Variants in SIGIRR observed in about 807,000 individuals in gnomAD.
SIGIRR encodes single Ig and TIR domain containing, also known as single Ig IL-1-related receptor.
Under a neutral mutation model 45.6 loss-of-function variants are expected in SIGIRR, and 41 were observed. That is an observed-to-expected ratio of 0.90 (90% CI 0.70 to 1.17). SIGIRR has a LOEUF of 1.17. Ranked by LOEUF, SIGIRR falls within the 50% of genes most tolerant of loss-of-function variation. SIGIRR has a pLI of 0.00. For synonymous variants in SIGIRR, 298 were observed against 239.0 expected, an observed-to-expected ratio of 1.25 and a Z score of -2.28; for missense variants, 599 against 539.6, an observed-to-expected ratio of 1.11 and a Z score of -1.09.
At chr11:407,690 A>T in intron 5 of SIGIRR, 122 bp from the exon 6 acceptor site, 5 of 1,560,028 alleles carry the variant, frequency 3.2e-6, no homozygotes, top group Non-Finnish European at 4.3e-6. Context: ...CTTTAACCCC[A>T]GCCGGGCCGC....
rs201269567 is a variant in SIGIRR at position 407,830 on chromosome 11, C to G, written c.468G>C (p.Glu156Asp). 3.7e-6 allele frequency: 6 copies of G among 1,612,582 alleles called. No homozygotes were observed. In the East Asian group the frequency reaches 1.3e-4, roughly 36 times the overall value. ...VLLWYQDAYG[E>D]VEINDGKLYD... ...GGCCCCACGCACCGTTTATCTCCACCTCCCCATACGCGTCCTGGTACCAGA... is the reference window on the plus strand; with the variant it reads ...GGCCCCACGCACCGTTTATCTCCACGTCCCCATACGCGTCCTGGTACCAGA... The change falls in exon 5 of 10, where the codon GAG (glutamate) becomes GAC (aspartate). Residue 156 changes from glutamate to aspartate, a missense_variant. Glu to Asp is a conservative substitution (Grantham distance 45). Transcript: ENST00000431843.
At position 406,961 on chromosome 11, in the gene SIGIRR, C is replaced by T. The variant is rs777028104; in HGVS notation, c.761G>A (p.Arg254His). 5.6e-6 allele frequency: 9 copies of T among 1,601,190 alleles called. No homozygotes were observed. The Admixed American group carries it at 1.0e-4, about 18-fold the overall frequency. Residue 254 changes from arginine (R) to histidine (H), a missense_variant, in exon 8 of 10, where the codon CGC becomes CAC. By Grantham distance (29) the Arg-to-His change is conservative. Transcript: ENST00000431843. ...CTCGAAGGTGATGAAGATGGGTCTG[C>T]GGGTGAGCTCCAGCAGCCGGCACAG... The part of the protein sequence containing the change: ...EGLCRLLELT[R>H]RPIFITFEGQ...
intron 9 of SIGIRR, 81 bp from the exon 10 acceptor site, chr11:406,140 A>AC: frequency 1.3e-6 from 2 of 1,538,452 alleles, no homozygotes; most frequent in South Asian, 2.4e-5. Context: ...GCCCCTGCTC[A>AC]CCCCCTGCTG....
chr11:409,015 G>C, intron 2 of SIGIRR, 122 bp from the exon 3 acceptor site: 2 of 847,956 alleles, frequency 2.4e-6, no homozygotes, highest in Non-Finnish European at 3.8e-6. Flanking sequence ...CACCATGTCT[G>C]TCCACGAGTC....
chr11:416,845 G>T (rs1259687255), upstream of SIGIRR, among the ~76,000 whole-genome samples: 1 of 152,132 alleles, frequency 6.6e-6, no homozygotes, highest in Non-Finnish European at 1.5e-5. This position sits in a 1 kb window ranked among gnomAD's most constrained non-coding sequence, Gnocchi z 9.1. Flanking sequence ...GGGCACGGGG[G>T]TGCGGCTCGG....
chr11:407,645 A>G, intron 5 of SIGIRR, 77 bp from the exon 6 acceptor site: 1 of 1,565,622 alleles, frequency 6.4e-7, no homozygotes, highest in Non-Finnish European at 8.7e-7. Flanking sequence ...ACCCCTAACC[A>G]TCTCCCACGT....
At position 408,700 on chromosome 11, in the gene SIGIRR, G is replaced by A. The variant is rs1847461258; in HGVS notation, c.201C>T (p.Tyr67=). 1 of 1,612,578 alleles carries A rather than the reference G, an allele frequency of 6.2e-7. No homozygotes were observed. The highest frequency in any genetic ancestry group is 8.5e-7 in the Non-Finnish European group (1 of 1,179,912). The change falls in exon 3 of 10, where the codon TAC becomes TAT. Residue 67 remains tyrosine, a synonymous_variant. Transcript: ENST00000431843. The part of the protein sequence containing the change: ...GIGGHYSLHE[Y]SWVKANLSEV... ...TGGATACCCGGGTCTCTTACCAGGA[G>A]TACTCGTGGAGGCTGTAGTGGCCCC...
At chr11:409,230 C>T (rs1181451348) in intron 2 of SIGIRR, 2 of 466,712 alleles carry the variant, frequency 4.3e-6, no homozygotes, top group Admixed American at 5.9e-5. Context: ...TTGCCCACCC[C>T]TGGTGACACC....
chr11:406,147 G>A, intron 9 of SIGIRR, 88 bp from the exon 10 acceptor site: 1 of 1,538,438 alleles, frequency 6.5e-7, no homozygotes, highest in East Asian at 2.4e-5. Flanking sequence ...CTCACCCCCT[G>A]CTGTGATGGC....
chr11:415,315 G>C (rs967103594), upstream of SIGIRR, among the ~76,000 whole-genome samples: 1 of 151,798 alleles, frequency 6.6e-6, no homozygotes, highest in African/African-American at 2.4e-5. This position sits in a 1 kb window ranked among gnomAD's most constrained non-coding sequence, Gnocchi z 6.6. Flanking sequence ...GTGTGTGTGC[G>C]TGTGTGTTGT....
chr11:414,634 G>A (rs992957426), intron 1 of SIGIRR, among the ~76,000 whole-genome samples, 189 bp downstream of exon 1: 3 of 152,120 alleles, frequency 2.0e-5, no homozygotes, highest in Non-Finnish European at 4.4e-5. Flanking sequence ...TAGGACCACA[G>A]GCACCCCACA....
chr11:406,800 T>C, intron 8 of SIGIRR, 43 bp downstream of exon 8: 1 of 1,474,620 alleles, frequency 6.8e-7, no homozygotes, highest in South Asian at 1.3e-5. Flanking sequence ...CGCCCATCTC[T>C]AACCCGCCGC....
At chr11:415,075 G>GCGGGCGGGAGGA (rs1341310036), upstream of SIGIRR, 1 of 165,036 alleles carries the variant, frequency 6.1e-6, no homozygotes, top group Non-Finnish European at 1.3e-5. The surrounding 1 kb of genome is among the most constrained non-coding windows in gnomAD (Gnocchi z 6.6). Context: ...CCTTCCCTAG[G>GCGGGCGGGAGGA]CGGGCGGGAG....
At chr11:415,496 T>C (rs1387497461), upstream of SIGIRR, among the ~76,000 whole-genome samples, 1 of 152,078 alleles carries the variant, frequency 6.6e-6, no homozygotes, top group Non-Finnish European at 1.5e-5. The surrounding 1 kb of genome is among the most constrained non-coding windows in gnomAD (Gnocchi z 6.6). Flanking sequence ...GGGGCCGGTT[T>C]GCTCCCCCAT....
At position 408,896 on chromosome 11, in the gene SIGIRR, G is replaced by A. The variant is rs1301469551; in HGVS notation, c.8-3C>T. On this transcript the variant is annotated splice_polypyrimidine_tract_variant and splice_region_variant and intron_variant, in intron 2 of 9. Coordinates refer to ENST00000431843, the MANE Select transcript of SIGIRR (RefSeq NM_001135054.2). ...GTCAGGGGCCCTATCACAGACACCT[G>A]AAGAGAGAGGACACAGTGGGTCAGC... 6.2e-7 allele frequency: 1 copy of A among 1,612,360 alleles called. No individual in the cohort carries two copies. The highest frequency in any genetic ancestry group is 1.7e-5 in the Admixed American group (1 of 60,020).
chr11:411,635 C>CGGTGG (rs746763110), intron 1 of SIGIRR, among the ~76,000 whole-genome samples: 1 of 71,764 alleles, frequency 1.4e-5, no homozygotes. Context: ...TGGATGCAGT[C>CGGTGG]GGGGGGTGCC....
At chr11:409,791 T>A in intron 2 of SIGIRR, 77 bp downstream of exon 2, 1 of 1,354,160 alleles carries the variant, frequency 7.4e-7, no homozygotes, top group South Asian at 1.9e-5. Flanking sequence ...AAGAGCAGGA[T>A]GCACAATGTG....
upstream of SIGIRR, among the ~76,000 whole-genome samples, chr11:415,952 A>G (rs1226199619): frequency 6.6e-6 from 1 of 152,118 alleles, no homozygotes; most frequent in Non-Finnish European, 1.5e-5. This position sits in a 1 kb window ranked among gnomAD's most constrained non-coding sequence, Gnocchi z 6.6. Flanking sequence ...GCCCTGGCTG[A>G]GCACCCTCTC....
chr11:407,384 GCCCTCC>G (rs763851139), intron 6 of SIGIRR, 35 bp downstream of exon 6: 1 of 1,126,688 alleles, frequency 8.9e-7, no homozygotes, highest in Non-Finnish European at 1.1e-6. Flanking sequence ...GGCGGGGCGG[GCCCTCC>G]GGGTGGGCGG....
Sources: gnomAD v4.1 joint callset for allele counts (sites outside exome capture counted in the v4.1 genomes callset) on GRCh38, gnomAD v4.1.1 for gene constraint, Gnocchi (gnomAD v3.1) non-coding constraint, MANE v1.5 for transcripts, NCBI Gene and HGNC (gene_info 2026-07-23, HGNC 2026-07-21) for gene names.